PHF20L1: variants seen among roughly 807,000 people sequenced by gnomAD.
PHF20L1 encodes the protein PHD finger protein 20-like protein 1.
Under a neutral mutation model 125.5 loss-of-function variants are expected in PHF20L1, and 44 were observed. The observed-to-expected ratio is 0.35, with a 90% confidence interval of 0.28 to 0.45. The LOEUF (loss-of-function observed/expected upper bound fraction) is 0.45. PHF20L1 is among the 20% of genes least tolerant of loss of function. The pLI is 1.00. For missense variants in PHF20L1, 1,012 were observed against 1,217.2 expected, an observed-to-expected ratio of 0.83 and a Z score of 2.51; for synonymous variants, 380 against 403.1, an observed-to-expected ratio of 0.94 and a Z score of 0.69.
intron 20 of PHF20L1, among the ~76,000 whole-genome samples, chr8:132,845,561 T>A (rs1490234592): frequency 1.3e-5 from 2 of 151,930 alleles, no homozygotes; most frequent in African/African-American, 2.4e-5. Flanking sequence ...AAGGGGAAAA[T>A]TATCTTAAAT....
intron 15 of PHF20L1, among the ~76,000 whole-genome samples, chr8:132,833,379 T>C (rs1364338922): frequency 6.6e-6 from 1 of 152,060 alleles, no homozygotes; most frequent in African/African-American, 2.4e-5. Flanking sequence ...TTTAGAACCT[T>C]GAGGTATGGG....
Position 132,804,021 on chromosome 8 carries a change from G to C in PHF20L1, c.710G>C (p.Ser237Thr), listed in dbSNP as rs1833397256. Residue 237 changes from serine (S) to threonine (T), a missense_variant, in exon 7 of 21, where the codon AGT becomes ACT. Ser to Thr is a moderately conservative substitution (Grantham distance 58). Around this residue, in one of 7 missense-constraint regions of PHF20L1, gnomAD observed 134 missense variants for 145.9 expected, o/e 0.92. Coordinates refer to ENST00000395386, the MANE Select transcript of PHF20L1 (RefSeq NM_016018.5). The stretch of plus-strand genomic sequence containing the variant: ...AAGAAGGAAGATCTGCCTACATCTA[G>C]TGAAACATTTGGTACAAAATACATT... The part of the protein sequence containing the change: ...VEKKEDLPTS[S>T]ETFGLHVENV... The C allele has an allele frequency of 6.2e-7, 1 of 1,604,226 alleles. No homozygotes were observed.
At position 132,847,870 on chromosome 8, in the gene PHF20L1, G is replaced by A. The variant is rs1838526244; in HGVS notation, c.*1947G>A. ...AAGTAGTGCCTGTATTCCATGTGTG[G>A]AGTAAATTTGCTAATGTCTATATTT... On this transcript the variant is annotated 3_prime_UTR_variant, in exon 21 of 21. Transcript: ENST00000395386. 1 of 152,290 alleles carries A rather than the reference G, an allele frequency of 6.6e-6. No individual in the cohort carries two copies. The highest frequency in any genetic ancestry group is 2.4e-5 in the African/African-American group (1 of 41,442). The allele number at this position is 152,290 out of a possible 1,614,324, so 9.4% of individuals were successfully genotyped here. A position where few individuals can be genotyped will look rare whatever the true frequency, so the allele number is the denominator to read the frequency against.
rs1838215378 is a variant in PHF20L1 at position 132,844,171 on chromosome 8, A to C, written c.2764A>C (p.Asn922His). The C allele has an allele frequency of 1.9e-6, 3 of 1,612,288 alleles. No homozygotes were observed. The African/African-American group carries it at 4.0e-5, about 22-fold the overall frequency. The change falls in exon 20 of 21, where the codon AAT becomes CAT. Residue 922 changes from asparagine (N) to histidine (H), a missense_variant. Asn to His is a moderately conservative substitution (Grantham distance 68, BLOSUM62 1). Coordinates refer to ENST00000395386, the MANE Select transcript of PHF20L1 (RefSeq NM_016018.5). ...GMPEKNPAEG[N>H]TVFVYNDKKG... ...TTTGGAGAAGAATCCAGCTGAAGGG[A>C]ATACAGTATTTGTTTATAATGATAA... is the stretch of plus-strand genomic sequence containing the variant.
intron 9 of PHF20L1, 104 bp downstream of exon 9, chr8:132,811,232 A>G (rs1236898522): frequency 1.3e-6 from 2 of 1,530,744 alleles, no homozygotes; most frequent in South Asian, 2.4e-5. Flanking sequence ...AGATATGGGA[A>G]TAGGAAGCTA....
Position 132,836,525 on chromosome 8 carries a change from T to C in PHF20L1, c.1910-15T>C, listed in dbSNP as rs1283877795. ...AGAAAAGTTGTTCTAAGTATACTTT[T>C]TGTATATATTCTAGACTTATCAGAT... On this transcript the variant is annotated splice_polypyrimidine_tract_variant and intron_variant, in intron 15 of 20. Coordinates refer to ENST00000395386, the MANE Select transcript of PHF20L1 (RefSeq NM_016018.5). The C allele has an allele frequency of 1.3e-6, 2 of 1,532,142 alleles. No individual in the cohort carries two copies. Among genetic ancestry groups the C allele is most frequent in the East Asian group, 4.5e-5 (2 of 44,298 alleles). 94.9% of individuals were successfully genotyped at this position (1,532,142 alleles called of 1,614,324 possible). A position where few individuals can be genotyped will look rare whatever the true frequency, so the allele number is the denominator to read the frequency against.
intron 1 of PHF20L1, among the ~76,000 whole-genome samples, chr8:132,775,862 C>A (rs1048380992): frequency 6.6e-6 from 1 of 152,180 alleles, no homozygotes; most frequent in Non-Finnish European, 1.5e-5. Context: ...GGAGGCTTCT[C>A]CAGCTCCCTG....
At chr8:132,812,131 C>G in intron 9 of PHF20L1, 1 of 979,768 alleles carries the variant, frequency 1.0e-6, no homozygotes, top group Non-Finnish European at 1.2e-6. Context: ...CTGTGATCAT[C>G]CAACGGTTAA....
Position 132,845,985 on chromosome 8 carries a change from C to T in PHF20L1, c.*62C>T, listed in dbSNP as rs1452588680. 12 of 1,279,806 alleles carry T rather than the reference C, an allele frequency of 9.4e-6. No individual in the cohort carries two copies. The highest frequency in any genetic ancestry group is 2.9e-5 in the African/African-American group (2 of 67,996). The allele number at this position is 1,279,806 out of a possible 1,614,324, so 79.3% of individuals were successfully genotyped here. A position where few individuals can be genotyped will look rare whatever the true frequency, so the allele number is the denominator to read the frequency against. ...TCAGTCAAAGCATTTTTATTATCCA[C>T]GTGATGGCTAAGTGGATAATTTAAA... On this transcript the variant is annotated 3_prime_UTR_variant, in exon 21 of 21. Coordinates refer to ENST00000395386, the MANE Select transcript of PHF20L1 (RefSeq NM_016018.5).
chr8:132,785,729 G>A (rs1236754113), intron 2 of PHF20L1, among the ~76,000 whole-genome samples: 3 of 152,060 alleles, frequency 2.0e-5, no homozygotes, highest in Non-Finnish European at 2.9e-5. Context: ...AACTTTGAGA[G>A]GATTGTTGCA....
At chr8:132,781,474 G>A (rs544996541) in intron 2 of PHF20L1, among the ~76,000 whole-genome samples, 5 of 151,948 alleles carry the variant, frequency 3.3e-5, no homozygotes, top group Non-Finnish European at 5.9e-5. Flanking sequence ...ATTCAGTGGC[G>A]CAATCTTGGC....
intron 20 of PHF20L1, among the ~76,000 whole-genome samples, chr8:132,844,605 T>C (rs1446783966): frequency 2.6e-5 from 4 of 152,146 alleles, no homozygotes; most frequent in African/African-American, 9.7e-5. Flanking sequence ...ATAAATTGAT[T>C]AGTTTCATTG....
intron 9 of PHF20L1, among the ~76,000 whole-genome samples, chr8:132,813,746 C>T (rs1304061192): frequency 6.6e-6 from 1 of 151,924 alleles, no homozygotes; most frequent in Non-Finnish European, 1.5e-5. Context: ...CAAATTCATC[C>T]AATGTAGTTA....
chr8:132,844,505 G>A (rs764195836), intron 20 of PHF20L1, among the ~76,000 whole-genome samples, 187 bp downstream of exon 20: 17 of 151,970 alleles, frequency 1.1e-4, no homozygotes, highest in Admixed American at 3.3e-4. Flanking sequence ...CAATGTGACC[G>A]GGTATGACCT....
At chr8:132,834,839 A>G (rs1008524831) in intron 15 of PHF20L1, among the ~76,000 whole-genome samples, 14 of 151,894 alleles carry the variant, frequency 9.2e-5, no homozygotes, top group Non-Finnish European at 2.1e-4. Flanking sequence ...CTCCATGAAT[A>G]TTTTCAGATA....
At chr8:132,777,654 C>G in intron 1 of PHF20L1, 138 bp from the exon 2 acceptor site, 1 of 537,402 alleles carries the variant, frequency 1.9e-6, no homozygotes, top group South Asian at 2.5e-5. Flanking sequence ...CTTCAAATTT[C>G]TTAACAATTT....
chr8:132,792,473 T>C (rs954295281), intron 2 of PHF20L1, among the ~76,000 whole-genome samples: 7 of 152,118 alleles, frequency 4.6e-5, no homozygotes, highest in African/African-American at 1.7e-4. Context: ...TTAACACAGG[T>C]CTTCCCTCAC....
At chr8:132,823,658 T>C (rs1435653895) in intron 12 of PHF20L1, among the ~76,000 whole-genome samples, 1 of 151,988 alleles carries the variant, frequency 6.6e-6, no homozygotes, top group Non-Finnish European at 1.5e-5. Context: ...ACATAATCCT[T>C]ATAACTGCAT....
At chr8:132,823,572 C>T (rs1434514484) in intron 12 of PHF20L1, among the ~76,000 whole-genome samples, 1 of 151,840 alleles carries the variant, frequency 6.6e-6, no homozygotes, top group Admixed American at 6.6e-5. Flanking sequence ...AAATTATTAC[C>T]CTACCACAAA....
Sources: allele counts gnomAD v4.1 joint callset (sites outside exome capture counted in the v4.1 genomes callset), GRCh38; gene constraint gnomAD v4.1.1; regional missense constraint gnomAD v4.1.1; transcripts MANE v1.5; gene names NCBI Gene and HGNC (gene_info 2026-07-23, HGNC 2026-07-21).